Variants in SPON2 observed in about 807,000 individuals in gnomAD.
SPON2 encodes spondin 2, also known as spondin-2.
SPON2 carries 32 observed loss-of-function variants against 29.9 expected under a neutral mutation model. The observed-to-expected ratio is 1.07, with a 90% confidence interval of 0.81 to 1.44. The LOEUF (loss-of-function observed/expected upper bound fraction) is 1.44, where lower values mean the gene tolerates loss of function less well. Ranked by LOEUF, SPON2 falls within the 40% of genes most tolerant of loss-of-function variation. The probability of loss-of-function intolerance (pLI) is 0.00; values close to 1 mark genes in which losing one functional copy is unlikely to be tolerated. For missense variants in SPON2, 541 were observed against 455.5 expected, an observed-to-expected ratio of 1.19 and a Z score of -1.71; for synonymous variants, 248 against 209.1, an observed-to-expected ratio of 1.19 and a Z score of -1.61.
chr4:1,171,838 G>A lies in SPON2; in HGVS notation c.220+14C>T, dbSNP rs377667252. ...TCCTGGTGGAGCAGGAGGCGAGGAG[G>A]GGGCTGTACTTACCCAGCAGCGAAG... On this transcript the variant is annotated intron_variant, in intron 2 of 5. Transcript: ENST00000290902. 137 of 1,591,836 alleles carry A rather than the reference G, an allele frequency of 8.6e-5. No individual in the cohort carries two copies. The highest frequency in any genetic ancestry group is 3.3e-4 in the Middle Eastern group (2 of 6,010).
At chr4:1,168,763 C>A (rs1043945937) in intron 5 of SPON2, among the ~76,000 whole-genome samples, 2 of 152,216 alleles carry the variant, frequency 1.3e-5, no homozygotes, top group African/African-American at 2.4e-5. Context: ...GAGGGCCCCA[C>A]CACAAGCCTC....
chr4:1,174,891 C>T (rs1727561746), upstream of SPON2, among the ~76,000 whole-genome samples: 1 of 152,226 alleles, frequency 6.6e-6, no homozygotes, highest in Non-Finnish European at 1.5e-5. Context: ...TGTTACCAGC[C>T]TTGTCAGGTG....
intron 1 of SPON2, among the ~76,000 whole-genome samples, chr4:1,194,829 C>T (rs1373658624): frequency 1.3e-5 from 2 of 152,066 alleles, no homozygotes; most frequent in African/African-American, 2.4e-5. Flanking sequence ...ACCTCACAGC[C>T]GGCGGTTCCA....
intron 1 of SPON2, among the ~76,000 whole-genome samples, chr4:1,188,771 G>A (rs972166254): frequency 5.3e-5 from 8 of 152,074 alleles, no homozygotes; most frequent in Non-Finnish European, 7.4e-5. Flanking sequence ...CATGGATAAA[G>A]CAACAGGACA....
In SPON2 at chr4:1,167,465, T is replaced by C; in HGVS notation, c.*7A>G. On this transcript the variant is annotated 3_prime_UTR_variant, in exon 6 of 6. Transcript: ENST00000290902. ...CGGGGGGCCCCAGGGGCTGCGGGGC[T>C]CTGGTCTTAGACGCAGTTATCAGGG... 6.2e-7 allele frequency: 1 copy of C among 1,610,818 alleles called. No homozygotes were observed. The highest frequency in any genetic ancestry group is 2.2e-5 in the East Asian group (1 of 44,816).
intron 1 of SPON2, among the ~76,000 whole-genome samples, chr4:1,206,756 G>A (rs138966512): frequency 2.6e-5 from 4 of 152,290 alleles, no homozygotes; most frequent in East Asian, 1.9e-4. Flanking sequence ...CCGGGACCCC[G>A]CCAGCAGCAG....
chr4:1,172,005 C>T lies in SPON2; in HGVS notation c.67G>A (p.Gly23Ser). 6.2e-7 allele frequency: 1 copy of T among 1,612,806 alleles called. No individual in the cohort carries two copies. The highest frequency in any genetic ancestry group is 8.5e-7 in the Non-Finnish European group (1 of 1,179,872). ...ALCALLLATL[G>S]AAGQPLGGES... ...CCCCCAAGAGGCTGGCCGGCGGCGC[C>T]GAGAGTGGCCAGGAGGAGAGCGCAG... is the stretch of plus-strand genomic sequence containing the variant. Residue 23 changes from glycine to serine, a missense_variant, in exon 2 of 6, where the codon GGC becomes AGC. Transcript: ENST00000290902.
chr4:1,188,806 G>A (rs971820366), intron 1 of SPON2, among the ~76,000 whole-genome samples: 3 of 152,246 alleles, frequency 2.0e-5, no homozygotes, highest in Non-Finnish European at 2.9e-5. Flanking sequence ...AGTAGAAGAC[G>A]TCAACAGGCT....
At chr4:1,187,827 G>C (rs1358897548) in intron 1 of SPON2, among the ~76,000 whole-genome samples, 1 of 151,932 alleles carries the variant, frequency 6.6e-6, no homozygotes, top group African/African-American at 2.4e-5. Context: ...TCAGGTAGGA[G>C]AAAAAAGAGC....
Position 1,167,501 on chromosome 4 carries a change from C to G in SPON2, c.967G>C (p.Ala323Pro), listed in dbSNP as rs1430494473. 12 of 1,613,568 alleles carry G rather than the reference C, an allele frequency of 7.4e-6. No homozygotes were observed. The highest frequency in any genetic ancestry group is 1.0e-5 in the Non-Finnish European group (12 of 1,179,940). ...GSPCPELEEE[A>P]ECVPDNCV ...ACGCAGTTATCAGGGACGCACTCAG[C>G]CTCTTCTTCGAGCTCGGGGCAGGGG... Residue 323 changes from alanine to proline, a missense_variant, in exon 6 of 6, where the codon GCT becomes CCT. Coordinates refer to ENST00000290902, the MANE Select transcript of SPON2 (RefSeq NM_012445.4).
intron 1 of SPON2, among the ~76,000 whole-genome samples, chr4:1,205,573 C>T (rs553432693): frequency 5.8e-5 from 6 of 102,644 alleles, no homozygotes; most frequent in Admixed American, 1.1e-4. Context: ...GAGGCCCCAT[C>T]GGAGCCGCCT....
intron 1 of SPON2, among the ~76,000 whole-genome samples, chr4:1,201,802 C>G (rs1310563218): frequency 6.6e-6 from 1 of 152,082 alleles, no homozygotes; most frequent in East Asian, 1.9e-4. Flanking sequence ...TCAGGATGGT[C>G]TCGATCTCCT....
intron 2 of SPON2, 51 bp downstream of exon 2, chr4:1,171,801 G>A: frequency 1.5e-6 from 2 of 1,345,060 alleles, no homozygotes; most frequent in Non-Finnish European, 2.1e-6. Flanking sequence ...GGGGGCTCCG[G>A]CGCCGCAGCC....
rs187064635 is a variant in SPON2 at position 1,193,643 on chromosome 4, G to C, written c.-239+1347C>G. On this transcript the variant is annotated intron_variant, in intron 1 of 3. Coordinates refer to the SPON2 transcript ENST00000502483. ...TGTGGAGGGGGCATGGGAAGGATGT[G>C]GAGGGGGCATGGGAAGGATGTGGGG... 4.6e-3 allele frequency among the ~76,000 whole-genome samples: 216 copies of C among 46,940 alleles called. 2 individuals carry two copies. The highest frequency in any genetic ancestry group is 0.016 in the Middle Eastern group (2 of 122). The allele number at this position is 46,940 out of a possible 152,430, so 30.8% of individuals were successfully genotyped here. A position where few individuals can be genotyped will look rare whatever the true frequency, so the allele number is the denominator to read the frequency against.
intron 1 of SPON2, among the ~76,000 whole-genome samples, chr4:1,186,162 T>A: frequency 6.8e-6 from 1 of 147,470 alleles, no homozygotes; most frequent in African/African-American, 2.5e-5. Flanking sequence ...GAGAATGGTG[T>A]GAACCTGGGA....
upstream of SPON2, chr4:1,173,289 A>G (rs1727522116): frequency 6.6e-6 from 1 of 152,522 alleles, no homozygotes; most frequent in South Asian, 2.1e-4. Flanking sequence ...AGCGGTCTGC[A>G]CTGTGGCCAG....
chr4:1,179,804 G>T (rs539117648), intron 1 of SPON2, among the ~76,000 whole-genome samples: 4 of 152,232 alleles, frequency 2.6e-5, no homozygotes, highest in African/African-American at 9.6e-5. Flanking sequence ...CTATCTGGTG[G>T]TTCCCTAGAA....
In SPON2 at chr4:1,167,526, GC is replaced by G. The variant is rs1560198988; in HGVS notation, c.941del (p.Ser314ThrfsTer68). ...CCTCTTCTTCGAGCTCGGGGCAGGG[GC>G]TCCCGTTGTTGGCGGGCTGGACCCG... ...YVRVQPANNG[S>X]PCPELEEEAE... On this transcript the variant is annotated frameshift_variant, in exon 6 of 6. Coordinates refer to ENST00000290902, the MANE Select transcript of SPON2 (RefSeq NM_012445.4). LOFTEE classifies it high-confidence loss of function. 1 of 1,613,786 alleles carries G rather than the reference GC, an allele frequency of 6.2e-7. No individual in the cohort carries two copies. The highest frequency in any genetic ancestry group is 1.3e-5 in the African/African-American group (1 of 75,046).
intron 2 of SPON2, among the ~76,000 whole-genome samples, chr4:1,178,796 T>G (rs566968780): frequency 6.6e-6 from 1 of 151,864 alleles, no homozygotes; most frequent in African/African-American, 2.4e-5. Flanking sequence ...GTGAGGAGGG[T>G]TGAAGAGAGA....
Sources: gnomAD v4.1 joint callset for allele counts (sites outside exome capture counted in the v4.1 genomes callset) on GRCh38, gnomAD v4.1.1 for gene constraint, MANE v1.5 for transcripts, NCBI Gene and HGNC (gene_info 2026-07-23, HGNC 2026-07-21) for gene names.